The following CPA6 variants were observed in gnomAD, a reference collection of about 807,000 sequenced individuals.
CPA6 encodes the protein carboxypeptidase B.
CPA6 carries 58 observed loss-of-function variants against 63.3 expected under a neutral mutation model. That is an observed-to-expected ratio of 0.92 (90% confidence interval 0.74 to 1.14). The LOEUF (loss-of-function observed/expected upper bound fraction) is 1.14. CPA6 is among the 50% of genes most tolerant of loss of function. The pLI, the probability that CPA6 is intolerant of heterozygous loss-of-function variation, is 0.00. For missense variants in CPA6, 565 were observed against 526.6 expected (o/e 1.07, Z -0.71); for synonymous variants, 185 against 179.0 (o/e 1.03, Z -0.27).
intron 1 of CPA6, 38 bp downstream of exon 1, chr8:67,745,976 A>T: frequency 2.0e-6 from 3 of 1,516,932 alleles, no homozygotes; most frequent in Non-Finnish European, 2.7e-6. Flanking sequence ...CCAGATCCAA[A>T]TCAAAGCTGT....
chr8:67,520,353 G>T (rs1441654707), intron 2 of CPA6, among the ~76,000 whole-genome samples: 1 of 152,168 alleles, frequency 6.6e-6, no homozygotes, highest in Non-Finnish European at 1.5e-5. Flanking sequence ...AAAGCTTCCT[G>T]GGAAACTTTC....
At chr8:67,677,342 C>CTTTTTTTTTTTTTTT (rs35049117) in intron 1 of CPA6, among the ~76,000 whole-genome samples, 3 of 128,368 alleles carry the variant, frequency 2.3e-5, no homozygotes, top group Non-Finnish European at 4.9e-5. Context: ...AAAACACCTT[C>CTTTTTTTTTTTTTTT]TTTTTTTTTT....
At chr8:67,469,094 A>G (rs1810997122) in intron 8 of CPA6, among the ~76,000 whole-genome samples, 1 of 152,162 alleles carries the variant, frequency 6.6e-6, no homozygotes, top group Non-Finnish European at 1.5e-5. Context: ...GTGCGTATTT[A>G]TATCTATCTA....
chr8:67,655,110 T>C (rs1269234842), intron 1 of CPA6, among the ~76,000 whole-genome samples: 1 of 152,172 alleles, frequency 6.6e-6, no homozygotes, highest in Non-Finnish European at 1.5e-5. Context: ...GTCTGGAGTG[T>C]TTCAACCAGG....
At chr8:67,695,256 C>T (rs934158339) in intron 1 of CPA6, among the ~76,000 whole-genome samples, 2 of 152,136 alleles carry the variant, frequency 1.3e-5, no homozygotes, top group Non-Finnish European at 2.9e-5. Flanking sequence ...GGCCTGGGCT[C>T]AGTAACATGG....
At chr8:67,555,126 C>T (rs578180268) in intron 2 of CPA6, among the ~76,000 whole-genome samples, 1 of 152,250 alleles carries the variant, frequency 6.6e-6, no homozygotes, top group African/African-American at 2.4e-5. Flanking sequence ...GTTTTTGTCC[C>T]CAGTTCCTGG....
intron 1 of CPA6, among the ~76,000 whole-genome samples, chr8:67,745,774 C>G (rs930475062): frequency 1.3e-5 from 2 of 152,152 alleles, no homozygotes; most frequent in Non-Finnish European, 2.9e-5. Flanking sequence ...AACCCTGGGT[C>G]CACAGCTAAG....
chr8:67,666,504 T>G (rs1356348014), intron 1 of CPA6, among the ~76,000 whole-genome samples: 1 of 152,102 alleles, frequency 6.6e-6, no homozygotes, highest in East Asian at 1.9e-4. Flanking sequence ...GTCTGGGAAC[T>G]TACAGCCCTG....
At chr8:67,727,008 A>G (rs1434659293) in intron 1 of CPA6, among the ~76,000 whole-genome samples, 1 of 152,250 alleles carries the variant, frequency 6.6e-6, no homozygotes. Flanking sequence ...GCACCACAGA[A>G]GCTGCAATTC....
chr8:67,457,596 T>C (rs1304470245), intron 8 of CPA6, among the ~76,000 whole-genome samples: 1 of 152,114 alleles, frequency 6.6e-6, no homozygotes, highest in Non-Finnish European at 1.5e-5. Context: ...GATAGCACCG[T>C]GGCCTCTAAA....
chr8:67,428,457 G>A (rs974616288), intron 9 of CPA6, among the ~76,000 whole-genome samples: 8 of 151,886 alleles, frequency 5.3e-5, no homozygotes, highest in Non-Finnish European at 2.9e-5. Flanking sequence ...TTAGTGTTCC[G>A]TTCCTTGACT....
At chr8:67,677,096 C>G (rs1816491373) in intron 1 of CPA6, among the ~76,000 whole-genome samples, 1 of 152,186 alleles carries the variant, frequency 6.6e-6, no homozygotes. Context: ...GTGCTGACTC[C>G]TCCGTCAGGA....
intron 2 of CPA6, among the ~76,000 whole-genome samples, chr8:67,571,579 A>G (rs779260973): frequency 3.9e-5 from 6 of 152,202 alleles, no homozygotes; most frequent in Non-Finnish European, 8.8e-5. Context: ...AAATGTCAAA[A>G]AACATACTAC....
At chr8:67,630,096 A>C (rs976831007) in intron 1 of CPA6, among the ~76,000 whole-genome samples, 12 of 142,116 alleles carry the variant, frequency 8.4e-5, no homozygotes, top group Admixed American at 3.7e-4. Context: ...CAGAGTGAGA[A>C]TCTGTCTCAA....
Position 67,677,399 on chromosome 8 carries a change from A to G in CPA6, c.117-53148T>C, listed in dbSNP as rs548937417. On this transcript the variant is annotated intron_variant, in intron 1 of 10. Coordinates refer to ENST00000297770, the MANE Select transcript of CPA6 (RefSeq NM_020361.5). The stretch of plus-strand genomic sequence containing the variant: ...GAAAAGGGGAAGATATTGTTCTGGG[A>G]TCCAGAATTGGAAGTTGACTTCATT... 5.2e-5 allele frequency among the ~76,000 whole-genome samples: 7 copies of G among 134,022 alleles called. No individual in the cohort carries two copies. In the East Asian group the frequency reaches 1.5e-3, roughly 28 times the overall value. The allele number at this position is 134,022 out of a possible 152,430, so 87.9% of individuals were successfully genotyped here.
At chr8:67,592,469 T>C (rs1198704737) in intron 2 of CPA6, among the ~76,000 whole-genome samples, 8 of 151,820 alleles carry the variant, frequency 5.3e-5, no homozygotes, top group Non-Finnish European at 1.2e-4. Context: ...ATGGTACCAG[T>C]TCCTCCTTGT....
chr8:67,655,987 A>G (rs1220427270), intron 1 of CPA6, among the ~76,000 whole-genome samples: 1 of 152,106 alleles, frequency 6.6e-6, no homozygotes, highest in Admixed American at 6.5e-5. Context: ...TGGTGTTGCT[A>G]TCACCAGGAG....
intron 2 of CPA6, among the ~76,000 whole-genome samples, chr8:67,591,865 G>A (rs1380631512): frequency 6.6e-6 from 1 of 152,056 alleles, no homozygotes; most frequent in Non-Finnish European, 1.5e-5. Flanking sequence ...TTTTCTAATT[G>A]AATACCCTTT....
At chr8:67,651,085 C>T (rs1298488985) in intron 1 of CPA6, among the ~76,000 whole-genome samples, 1 of 152,088 alleles carries the variant, frequency 6.6e-6, no homozygotes, top group African/African-American at 2.4e-5. Context: ...AAGGTAAAAA[C>T]TAATTTGTTT....
Sources: gnomAD v4.1 joint callset for allele counts (sites outside exome capture counted in the v4.1 genomes callset) on GRCh38, gnomAD v4.1.1 for gene constraint, MANE v1.5 for transcripts, NCBI Gene and HGNC (gene_info 2026-07-23, HGNC 2026-07-21) for gene names.